The following DMAP1 variants were observed in gnomAD, a reference collection of about 807,000 sequenced individuals.
The protein encoded by DMAP1 is DNA methyltransferase 1 associated protein 1.
Under a neutral mutation model 52.7 loss-of-function variants are expected in DMAP1, and 26 were observed. The observed-to-expected ratio is 0.49, with a 90% CI of 0.36 to 0.68. The LOEUF is 0.68. Ranked by LOEUF, DMAP1 falls within the 30% of genes least tolerant of loss-of-function variation. DMAP1 has a pLI of 0.00. For missense variants in DMAP1, 439 were observed against 625.2 expected (o/e 0.70, Z 3.18); for synonymous variants, 231 against 246.0 (o/e 0.94, Z 0.57).
At chr1:44,214,463 C>A (rs781656484) in intron 2 of DMAP1, 22 bp downstream of exon 2, 16 of 1,613,650 alleles carry the variant, frequency 9.9e-6, no homozygotes, top group Non-Finnish European at 1.3e-5. Context: ...AGTCCCAAGT[C>A]CCCCAGGTTT....
At chr1:44,219,361 C>T in intron 6 of DMAP1, 45 bp from the exon 7 acceptor site, 3 of 1,548,024 alleles carry the variant, frequency 1.9e-6, no homozygotes, top group Non-Finnish European at 2.6e-6. Flanking sequence ...AACCCTGGGC[C>T]CTCTCCCTGT....
rs1643757001 is a variant in DMAP1, at chr1:44,214,929, G to T, written c.393+31G>T. 3 of 1,613,276 alleles carry T rather than the reference G, an allele frequency of 1.9e-6. 1 individual carries two copies. In the African/African-American group the frequency reaches 4.0e-5, roughly 22 times the overall value. On this transcript the variant is annotated intron_variant, in intron 3 of 9. Transcript: ENST00000372289. Reference sequence around the variant, plus strand: ...CTACCTTCATTCGGACACAGGCCAAGATTGCCCTCCCACTTTGAGCCATTT... The same window carrying T: ...CTACCTTCATTCGGACACAGGCCAATATTGCCCTCCCACTTTGAGCCATTT...
Position 44,218,654 on chromosome 1 carries a change from G to A in DMAP1, c.619G>A (p.Ala207Thr), listed in dbSNP as rs147271334. The A allele has an allele frequency of 1.7e-5, 27 of 1,614,002 alleles. No individual in the cohort carries two copies. The highest frequency in any genetic ancestry group is 2.3e-5 in the Non-Finnish European group (27 of 1,179,892). Residue 207 changes from alanine (A) to threonine (T), a missense_variant, in exon 5 of 10, where the codon GCT (alanine) becomes ACT (threonine). Physicochemically the swap from Ala to Thr is moderately conservative, Grantham distance 58. Coordinates refer to ENST00000372289, the MANE Select transcript of DMAP1 (RefSeq NM_019100.5). The surrounding 1 kb of genome is among the most constrained non-coding windows in gnomAD (Gnocchi z 5.6). ...CTGTGCTAAGCTTGCCAACGTGCGG[G>A]CTGTGCCAGGCACAGACCTTAAGAT... ...HICAKLANVR[A>T]VPGTDLKIPV...
chr1:44,215,256 T>A (rs925915467), intron 3 of DMAP1: 16 of 473,872 alleles, frequency 3.4e-5, no homozygotes, highest in Non-Finnish European at 6.7e-5. Context: ...AGAGCAGTGC[T>A]TCCTTCGCAT....
chr1:44,214,032 A>G (rs1404123678), intron 1 of DMAP1, among the ~76,000 whole-genome samples, 174 bp downstream of exon 1: 2 of 152,232 alleles, frequency 1.3e-5, no homozygotes, highest in Non-Finnish European at 2.9e-5. Context: ...GAGATGGGAC[A>G]TCGTGGGAGA....
At chr1:44,216,671 T>C (rs1643800776) in intron 3 of DMAP1, 1 of 151,976 alleles carries the variant, frequency 6.6e-6, no homozygotes, top group African/African-American at 2.4e-5. Context: ...GTTACCTAGG[T>C]AGAAGGAATG....
At position 44,220,185 on chromosome 1, in the gene DMAP1, C is replaced by T. The variant is rs755514530; in HGVS notation, c.1220C>T (p.Pro407Leu). The T allele has an allele frequency of 6.2e-7, 1 of 1,605,086 alleles. No individual in the cohort carries two copies. Among genetic ancestry groups the T allele is most frequent in the Non-Finnish European group, 8.5e-7 (1 of 1,173,268 alleles). The change falls in exon 9 of 10, where the codon CCT (proline) becomes CTT (leucine). Residue 407 changes from proline (P) to leucine (L), a missense_variant. Coordinates refer to ENST00000372289, the MANE Select transcript of DMAP1 (RefSeq NM_019100.5). Reference protein sequence around the residue: ...ALARAGVLGGPATPASGPGPA... With the variant: ...ALARAGVLGGLATPASGPGPA... The stretch of plus-strand genomic sequence containing the variant: ...GCCCGGGCTGGTGTGCTAGGGGGCC[C>T]TGCCACACCAGCATCAGGCCCAGGC...
Position 44,220,624 on chromosome 1 carries a change from C to T in DMAP1, c.*6C>T, listed in dbSNP as rs1389798707. 2 of 1,614,186 alleles carry T rather than the reference C, an allele frequency of 1.2e-6. No individual in the cohort carries two copies. Among genetic ancestry groups the T allele is most frequent in the Non-Finnish European group, 8.5e-7 (1 of 1,180,020 alleles). On this transcript the variant is annotated 3_prime_UTR_variant, in exon 10 of 10. Coordinates refer to ENST00000372289, the MANE Select transcript of DMAP1 (RefSeq NM_019100.5). ...AGAAAGCCAAGAAGCCGTGAGAGGCCCCACGGGGTGTGGGCGACGCTGTTA... is the reference window on the plus strand; with the variant it reads ...AGAAAGCCAAGAAGCCGTGAGAGGCTCCACGGGGTGTGGGCGACGCTGTTA...
intron 7 of DMAP1, 63 bp downstream of exon 7, chr1:44,219,540 C>A: frequency 6.8e-7 from 1 of 1,469,528 alleles, no homozygotes; most frequent in Non-Finnish European, 9.1e-7. Context: ...TCCATGTGTC[C>A]CAAACGCTGC....
In DMAP1 at chr1:44,219,096, T is replaced by C; in HGVS notation, c.761T>C (p.Ile254Thr). 6.2e-7 allele frequency: 1 copy of C among 1,614,136 alleles called. No homozygotes were observed. The highest frequency in any genetic ancestry group is 8.5e-7 in the Non-Finnish European group (1 of 1,180,034). Residue 254 changes from isoleucine to threonine, a missense_variant, in exon 6 of 10, where the codon ATT becomes ACT. Physicochemically the swap from Ile to Thr is moderately conservative, Grantham distance 89. Coordinates refer to ENST00000372289, the MANE Select transcript of DMAP1 (RefSeq NM_019100.5). ...TACCTGCTACAGGAGCTGCGCAAGATTGAGGCCCGGAAGAAGGAGCGGGAG... is the reference window on the plus strand; with the variant it reads ...TACCTGCTACAGGAGCTGCGCAAGACTGAGGCCCGGAAGAAGGAGCGGGAG... ...EEYLLQELRK[I>T]EARKKEREKR... is the part of the protein sequence containing the mutation.
rs766698414 is a variant in DMAP1, at chr1:44,219,391, T to C, written c.907-15T>C. 6.4e-7 allele frequency: 1 copy of C among 1,569,666 alleles called. No individual in the cohort carries two copies. Among genetic ancestry groups the C allele is most frequent in the Non-Finnish European group, 8.6e-7 (1 of 1,162,466 alleles). On this transcript the variant is annotated splice_polypyrimidine_tract_variant and intron_variant, in intron 6 of 9. Transcript: ENST00000372289. ...CCCTGTGACACCTTGGTCTCCATAATGCCTTCTCCCCCAGGCTGTTCCTGA... is the reference window on the plus strand; with the variant it reads ...CCCTGTGACACCTTGGTCTCCATAACGCCTTCTCCCCCAGGCTGTTCCTGA...
In DMAP1 at chr1:44,218,116, T is replaced by C; in HGVS notation, c.394-195T>C. 1 of 698,358 alleles carries C rather than the reference T, an allele frequency of 1.4e-6. No homozygotes were observed. The allele number at this position is 698,358 out of a possible 1,614,324, so 43.3% of individuals were successfully genotyped here. A position where few individuals can be genotyped will look rare whatever the true frequency, so the allele number is the denominator to read the frequency against. ...ACAGTGAAGTTGATCCTGGAATAAA[T>C]CAGAGGCAGGCTACAGTCCCAAACC... On this transcript the variant is annotated intron_variant, in intron 3 of 9. Transcript: ENST00000372289. The surrounding 1 kb of genome is among the most constrained non-coding windows in gnomAD (Gnocchi z 5.6).
chr1:44,219,383 CT>C (rs761784702), intron 6 of DMAP1, 22 bp from the exon 7 acceptor site: 1 of 1,557,364 alleles, frequency 6.4e-7, no homozygotes, highest in East Asian at 2.2e-5. Flanking sequence ...ACACCTTGGT[CT>C]CCATAATGCC....
In DMAP1 at chr1:44,218,048, G is replaced by A. The variant is rs1401600048; in HGVS notation, c.394-263G>A. On this transcript the variant is annotated intron_variant, in intron 3 of 9. Coordinates refer to ENST00000372289, the MANE Select transcript of DMAP1 (RefSeq NM_019100.5). The surrounding 1 kb of genome is among the most constrained non-coding windows in gnomAD (Gnocchi z 5.6). ...TGTGGGCCCCTCACCTTAACTATGG[G>A]GGCAGGAGTGTGTGTCCCATGACTG... 9 of 567,786 alleles carry A rather than the reference G, an allele frequency of 1.6e-5. No individual in the cohort carries two copies. The highest frequency in any genetic ancestry group is 2.9e-5 in the Non-Finnish European group (9 of 311,980). 35.2% of individuals were successfully genotyped at this position (567,786 alleles called of 1,614,324 possible).
In DMAP1 at chr1:44,218,346, C is replaced by G. The variant is rs772541742; in HGVS notation, c.429C>G (p.Tyr143Ter). ...VQVPVYSEQEYQLYLHDDAWT... is the reference protein window; with the variant it reads ...VQVPVYSEQE ...TGCCTGTGTACTCGGAGCAGGAGTA[C>G]CAGCTTTATCTCCACGATGATGCTT... Residue 143 changes from tyrosine (Y) to a stop codon, truncating the protein, a stop_gained, in exon 4 of 10, where the codon TAC becomes TAG. Coordinates refer to ENST00000372289, the MANE Select transcript of DMAP1 (RefSeq NM_019100.5). LOFTEE classifies it high-confidence loss of function. This position sits in a 1 kb window ranked among gnomAD's most constrained non-coding sequence, Gnocchi z 5.6. 6.2e-7 allele frequency: 1 copy of G among 1,614,210 alleles called. No individual in the cohort carries two copies. Among genetic ancestry groups the G allele is most frequent in the Non-Finnish European group, 8.5e-7 (1 of 1,180,030 alleles).
chr1:44,214,209 T>G (rs1572024678), intron 1 of DMAP1, 141 bp from the exon 2 acceptor site: 1 of 779,030 alleles, frequency 1.3e-6, no homozygotes, highest in Non-Finnish European at 2.2e-6. Flanking sequence ...TTCCTGGGAG[T>G]GGGTTTCTGT....
Position 44,220,615 on chromosome 1 carries a change from G to A in DMAP1, c.1401G>A (p.Pro467=), listed in dbSNP as rs374183631. ...SSSSVKKAKK[P] is the part of the protein sequence containing the mutation. ...CTTCCGTGAAGAAAGCCAAGAAGCCGTGAGAGGCCCCACGGGGTGTGGGCG... is the reference window on the plus strand; with the variant it reads ...CTTCCGTGAAGAAAGCCAAGAAGCCATGAGAGGCCCCACGGGGTGTGGGCG... The change falls in exon 10 of 10, where the codon CCG becomes CCA. Residue 467 remains proline (P), a synonymous_variant. Transcript: ENST00000372289. 2.1e-5 allele frequency: 34 copies of A among 1,614,224 alleles called. No homozygotes were observed. In the African/African-American group the frequency reaches 2.7e-4, roughly 13 times the overall value.
At position 44,214,772 on chromosome 1, in the gene DMAP1, C is replaced by T. The variant is rs1643754415; in HGVS notation, c.267C>T (p.Ser89=). Residue 89 remains serine, a synonymous_variant, in exon 3 of 10, where the codon TCC becomes TCT. Coordinates refer to ENST00000372289, the MANE Select transcript of DMAP1 (RefSeq NM_019100.5). ...GYRTVKAKLG[S]KKVRPWKWMP... ...GTACAGTGAAGGCCAAGTTGGGCTC[C>T]AAGAAGGTGCGGCCTTGGAAGTGGA... 6.2e-7 allele frequency: 1 copy of T among 1,614,060 alleles called. No individual in the cohort carries two copies. Among genetic ancestry groups the T allele is most frequent in the South Asian group, 1.1e-5 (1 of 91,092 alleles).
chr1:44,218,850 C>A lies in DMAP1; in HGVS notation c.720+95C>A. 6.7e-7 allele frequency: 1 copy of A among 1,496,044 alleles called. No individual in the cohort carries two copies. The highest frequency in any genetic ancestry group is 2.3e-5 in the East Asian group (1 of 43,428). 92.7% of individuals were successfully genotyped at this position (1,496,044 alleles called of 1,614,324 possible). A position where few individuals can be genotyped will look rare whatever the true frequency, so the allele number is the denominator to read the frequency against. On this transcript the variant is annotated intron_variant, in intron 5 of 9. Coordinates refer to ENST00000372289, the MANE Select transcript of DMAP1 (RefSeq NM_019100.5). The surrounding 1 kb of genome is among the most constrained non-coding windows in gnomAD (Gnocchi z 5.6). ...CCTCAACTCCCACTCCCAGGTCCCC[C>A]TGCCTCCCACTGATACCTTATTAAC... is the stretch of plus-strand genomic sequence containing the variant.
Sources: gnomAD v4.1 joint callset for allele counts (sites outside exome capture counted in the v4.1 genomes callset) on GRCh38, gnomAD v4.1.1 for gene constraint, Gnocchi (gnomAD v3.1) non-coding constraint, MANE v1.5 for transcripts, NCBI Gene and HGNC (gene_info 2026-07-23, HGNC 2026-07-21) for gene names.